FANK1: variants seen among roughly 807,000 people sequenced by gnomAD.
FANK1 encodes the protein fibronectin type III and ankyrin repeat domains 1, also known as fibronectin type 3 and ankyrin repeat domains protein 1.
Under a neutral mutation model 45.3 loss-of-function variants are expected in FANK1, and 44 were observed. The ratio of observed to expected loss-of-function variants is 0.97; its 90% CI spans 0.76 to 1.25. The LOEUF (loss-of-function observed/expected upper bound fraction) is 1.25. Among genes scored for constraint, FANK1 ranks in the 50% most tolerant of loss-of-function variants. The pLI is 0.00. For missense variants in FANK1, 391 were observed against 424.4 expected (o/e 0.92, Z 0.69); for synonymous variants, 149 against 152.5 (o/e 0.98, Z 0.17).
intron 1 of FANK1, among the ~76,000 whole-genome samples, chr10:125,931,389 A>G (rs1947741677): frequency 6.6e-6 from 1 of 151,958 alleles, no homozygotes; most frequent in African/African-American, 2.4e-5. Context: ...CTGTTTTTTG[A>G]TTTTTTGATT....
At position 126,009,137 on chromosome 10, in the gene FANK1, T is replaced by A; in HGVS notation, c.927+6T>A. The A allele has an allele frequency of 1.9e-6, 3 of 1,614,184 alleles. No individual in the cohort carries two copies. In the African/African-American group the frequency reaches 4.0e-5, roughly 22 times the overall value. On this transcript the variant is annotated splice_donor_region_variant and intron_variant, in intron 9 of 10. Coordinates refer to ENST00000368693, the MANE Select transcript of FANK1 (RefSeq NM_145235.5). ...ATGCAAGTGTAAAAAATGAGGTAAA[T>A]GAGTCCATCTTTATGTAAAGATTTT...
intron 1 of FANK1, among the ~76,000 whole-genome samples, chr10:125,909,969 G>C (rs61870865): frequency 6.6e-6 from 1 of 151,678 alleles, no homozygotes; most frequent in Admixed American, 6.6e-5. Context: ...CTGAGAGAAA[G>C]TGTGCCATCT....
At chr10:125,989,353 C>G (rs747514350) in intron 3 of FANK1, 2 of 1,551,238 alleles carry the variant, frequency 1.3e-6, no homozygotes, top group Non-Finnish European at 1.7e-6. Flanking sequence ...CCACTGAAAA[C>G]ACAGGCAAGT....
chr10:126,000,447 C>T (rs1385843823), intron 6 of FANK1, among the ~76,000 whole-genome samples: 5 of 152,030 alleles, frequency 3.3e-5, no homozygotes, highest in East Asian at 1.9e-4. Context: ...TCCCTATCTA[C>T]GTAAGAACCT....
rs559288977 is a variant in FANK1 at position 125,950,685 on chromosome 10, C to T, written c.14-29476C>T. On this transcript the variant is annotated intron_variant, in intron 1 of 10. Transcript: ENST00000368693. ...TCAACCATTATGGAAGTCAGTGTGG[C>T]GATTCCTCAGGGATTTAGAACTAGA... 2.8e-4 allele frequency among the ~76,000 whole-genome samples: 43 copies of T among 152,176 alleles called. No individual in the cohort carries two copies. In the East Asian group the frequency reaches 7.4e-3, roughly 26 times the overall value.
chr10:125,910,274 T>C lies in FANK1; in HGVS notation c.13+13619T>C, dbSNP rs546391256. ...AGCTCTAGCATAAAGAGTCCTACAATGGGTACTTATCCCCCATCTATAACT... is the reference window on the plus strand; with the variant it reads ...AGCTCTAGCATAAAGAGTCCTACAACGGGTACTTATCCCCCATCTATAACT... On this transcript the variant is annotated intron_variant, in intron 1 of 10. Transcript: ENST00000368693. Among the ~76,000 whole-genome samples the C allele has an allele frequency of 8.4e-4, 128 of 152,350 alleles. 1 individual carries two copies. The highest frequency in any genetic ancestry group is 2.9e-3 in the African/African-American group (121 of 41,582).
At chr10:125,955,301 C>T (rs545639273) in intron 1 of FANK1, among the ~76,000 whole-genome samples, 1 of 151,996 alleles carries the variant, frequency 6.6e-6, no homozygotes, top group Non-Finnish European at 1.5e-5. Flanking sequence ...GTTGGTCCCC[C>T]CCATGTGACC....
intron 3 of FANK1, 150 bp downstream of exon 3, chr10:125,988,825 C>T: frequency 8.6e-7 from 1 of 1,162,610 alleles, no homozygotes; most frequent in Non-Finnish European, 1.3e-6. Flanking sequence ...CTAGTTGGGC[C>T]TTGCCATAAC....
Position 125,915,237 on chromosome 10 carries a change from CA to C in FANK1, c.13+18587del, listed in dbSNP as rs559043152. On this transcript the variant is annotated intron_variant, in intron 1 of 10. Coordinates refer to ENST00000368693, the MANE Select transcript of FANK1 (RefSeq NM_145235.5). ...TTACATTTGTTAAAGGGTAACTTTT[CA>C]AAAACAGGGAAAACTATCATTCATA... 7.1e-3 allele frequency among the ~76,000 whole-genome samples: 1,079 copies of C among 151,568 alleles called. 12 individuals carry two copies. The highest frequency in any genetic ancestry group is 0.025 in the African/African-American group (1,016 of 41,186).
intron 1 of FANK1, among the ~76,000 whole-genome samples, chr10:125,902,345 A>C (rs1206131737): frequency 6.6e-6 from 1 of 152,262 alleles, no homozygotes; most frequent in South Asian, 2.1e-4. Flanking sequence ...CCTGTTTGCC[A>C]TCCCGTCCCT....
intron 7 of FANK1, 59 bp downstream of exon 7, chr10:126,005,108 A>G (rs1271250404): frequency 2.6e-6 from 4 of 1,556,488 alleles, no homozygotes; most frequent in Non-Finnish European, 3.5e-6. Flanking sequence ...ATGCTGCTCC[A>G]TGGGGTCTGG....
At chr10:125,918,135 A>G (rs1170919826) in intron 1 of FANK1, among the ~76,000 whole-genome samples, 1 of 152,308 alleles carries the variant, frequency 6.6e-6, no homozygotes, top group Non-Finnish European at 1.5e-5. Flanking sequence ...GTAGAGAGGA[A>G]TGAGGGCTTA....
At chr10:125,910,232 A>G (rs1945880550) in intron 1 of FANK1, among the ~76,000 whole-genome samples, 1 of 152,174 alleles carries the variant, frequency 6.6e-6, no homozygotes, top group African/African-American at 2.4e-5. Context: ...CATACTTCTA[A>G]TTTTTAAAAA....
intron 1 of FANK1, among the ~76,000 whole-genome samples, chr10:125,953,819 C>A (rs753809310): frequency 2.0e-4 from 31 of 152,178 alleles, no homozygotes; most frequent in Non-Finnish European, 1.2e-4. Context: ...TCTGGGAGGC[C>A]TTTGTGTCTG....
chr10:125,945,216 T>A (rs1302083889), intron 1 of FANK1, among the ~76,000 whole-genome samples: 2 of 152,098 alleles, frequency 1.3e-5, no homozygotes, highest in Non-Finnish European at 2.9e-5. Flanking sequence ...TTAAAAAAAA[T>A]TTAATAAGAA....
At chr10:125,937,486 A>G (rs1948178040) in intron 1 of FANK1, among the ~76,000 whole-genome samples, 1 of 152,198 alleles carries the variant, frequency 6.6e-6, no homozygotes, top group Non-Finnish European at 1.5e-5. Context: ...TTAGAATGTC[A>G]TATTTGGAAA....
intron 1 of FANK1, among the ~76,000 whole-genome samples, chr10:125,964,186 CTTTTTTTTTTTT>C (rs71486557): frequency 1.3e-5 from 1 of 78,392 alleles, no homozygotes; most frequent in Non-Finnish European, 2.2e-5. Context: ...TTCTCTCTCT[CTTTTTTTTTTTT>C]TTTTTTTTTT....
chr10:125,969,131 A>G (rs574376737), intron 1 of FANK1, among the ~76,000 whole-genome samples: 22 of 152,288 alleles, frequency 1.4e-4, no homozygotes, highest in African/African-American at 4.6e-4. Context: ...AACTTTTAAA[A>G]TAAGAAATAT....
intron 1 of FANK1, among the ~76,000 whole-genome samples, chr10:125,927,480 T>A (rs1947434455): frequency 6.6e-6 from 1 of 152,194 alleles, no homozygotes; most frequent in Non-Finnish European, 1.5e-5. Flanking sequence ...GCACAATATG[T>A]TTATCTGTTC....
Sources: gnomAD v4.1 joint callset for allele counts (sites outside exome capture counted in the v4.1 genomes callset) on GRCh38, gnomAD v4.1.1 for gene constraint, MANE v1.5 for transcripts, NCBI Gene and HGNC (gene_info 2026-07-23, HGNC 2026-07-21) for gene names.